PCDHA3: variants seen among roughly 807,000 people sequenced by gnomAD.
PCDHA3 encodes the protein protocadherin alpha 3.
A neutral mutation model predicts 62.2 loss-of-function variants in PCDHA3; 41 were observed. The observed-to-expected ratio is 0.66, with a 90% confidence interval of 0.51 to 0.86. The LOEUF (loss-of-function observed/expected upper bound fraction) is 0.86. Among genes scored for constraint, PCDHA3 ranks in the 40% least tolerant of loss-of-function variants. PCDHA3 has a pLI of 0.00. For missense variants in PCDHA3, 1,304 were observed against 1,241.2 expected (o/e 1.05, Z -0.76); for synonymous variants, 640 against 555.4 (o/e 1.15, Z -2.14).
intron 1 of PCDHA3, chr5:140,857,619 A>C (rs1554150364): frequency 6.3e-7 from 1 of 1,596,352 alleles, no homozygotes; most frequent in South Asian, 1.1e-5. Flanking sequence ...CCGCTGGACC[A>C]CGAGGAGCTG....
At chr5:140,858,363 C>G in intron 1 of PCDHA3, 1 of 1,591,358 alleles carries the variant, frequency 6.3e-7, no homozygotes, top group Non-Finnish European at 8.6e-7. Flanking sequence ...GCCTTCAGCC[C>G]CAGCCTTCCA....
Position 140,912,662 on chromosome 5 carries a change from T to C in PCDHA3, c.2395-66287T>C, listed in dbSNP as rs145118694. 1.9e-3 allele frequency among the ~76,000 whole-genome samples: 286 copies of C among 152,264 alleles called. 1 individual carries two copies. The highest frequency in any genetic ancestry group is 6.7e-3 in the African/African-American group (280 of 41,548). Reference sequence around the variant, plus strand: ...CTATGTTGAATAGAAGTGGTGAAAATGGGCATCCTTGACTTATTCCAGGTC... The same window carrying C: ...CTATGTTGAATAGAAGTGGTGAAAACGGGCATCCTTGACTTATTCCAGGTC... On this transcript the variant is annotated intron_variant, in intron 1 of 3. Coordinates refer to ENST00000522353, the MANE Select transcript of PCDHA3 (RefSeq NM_018906.3).
rs138197407 is a variant in PCDHA3, at chr5:140,857,304, C to T, written c.2394+53713C>T. On this transcript the variant is annotated intron_variant, in intron 1 of 3. Coordinates refer to ENST00000522353, the MANE Select transcript of PCDHA3 (RefSeq NM_018906.3). The stretch of plus-strand genomic sequence containing the variant: ...GCTCTGGACCGCGAGAGGGTGTCGG[C>T]CTATGAGCTGGTGGTGACCGCGCGG... 1.9e-5 allele frequency: 30 copies of T among 1,598,646 alleles called. No homozygotes were observed. In the African/African-American group the frequency reaches 3.6e-4, roughly 19 times the overall value.
Position 140,870,844 on chromosome 5 carries a change from C to T in PCDHA3, c.2394+67253C>T. The T allele has an allele frequency of 3.1e-6, 5 of 1,613,832 alleles. No homozygotes were observed. The highest frequency in any genetic ancestry group is 4.2e-6 in the Non-Finnish European group (5 of 1,179,882). ...GGGAGGCGCAGTTAACAAGCTAGTA[C>T]CGCGGTCGGTGGGTGCGGGCCACGT... On this transcript the variant is annotated intron_variant, in intron 1 of 3. Transcript: ENST00000522353.
intron 1 of PCDHA3, chr5:140,871,263 G>C: frequency 6.2e-7 from 1 of 1,614,010 alleles, no homozygotes; most frequent in Non-Finnish European, 8.5e-7. Context: ...ATACGGCGCT[G>C]TGGTGGTCGG....
intron 1 of PCDHA3, chr5:140,859,405 G>C (rs1222698496): frequency 4.0e-6 from 1 of 250,884 alleles, no homozygotes; most frequent in African/African-American, 2.3e-5. Context: ...ACAGGGTTGG[G>C]TTAGATGATA....
chr5:140,875,738 G>A (rs1197047985), intron 1 of PCDHA3: 2 of 1,614,204 alleles, frequency 1.2e-6, no homozygotes, highest in Non-Finnish European at 1.7e-6. Context: ...GTGAATTCTC[G>A]GATCGACCGC....
At chr5:140,810,574 T>C (rs1764686543) in intron 1 of PCDHA3, 1 of 152,248 alleles carries the variant, frequency 6.6e-6, no homozygotes, top group African/African-American at 2.4e-5. Context: ...TAAATGAAGT[T>C]GAGTACCTTT....
At chr5:140,968,921 T>C (rs111394602) in intron 1 of PCDHA3, 34 of 1,614,098 alleles carry the variant, frequency 2.1e-5, no homozygotes, top group Non-Finnish European at 2.6e-5. Context: ...GTCTTTTATA[T>C]TTCTTTTGAC....
chr5:140,819,030 T>C (rs1554127593), intron 1 of PCDHA3, among the ~76,000 whole-genome samples: 1 of 152,240 alleles, frequency 6.6e-6, no homozygotes, highest in Admixed American at 6.5e-5. Flanking sequence ...TTTTAGCACA[T>C]TCCCTTATAG....
At position 140,808,087 on chromosome 5, in the gene PCDHA3, A is replaced by G. The variant is rs782664292; in HGVS notation, c.2394+4496A>G. ...AGTTTCACATAGATCCAATTACTGG[A>G]CAAATTATTGTAAAGGGATATATTG... On this transcript the variant is annotated intron_variant, in intron 1 of 3. Transcript: ENST00000522353. The G allele has an allele frequency of 5.6e-6, 9 of 1,613,970 alleles. No individual in the cohort carries two copies. The South Asian group carries it at 9.9e-5, about 18-fold the overall frequency.
Position 140,857,776 on chromosome 5 carries a change from CAGTG to C in PCDHA3, c.2394+54188_2394+54191del, listed in dbSNP as rs1342226765. ...CCGCTGGCAGCGCGGGCGGTGCAGTCAGTGAGCTGGTGCTGCGGTCGGTGGTTGC... is the reference window on the plus strand; with the variant it reads ...CCGCTGGCAGCGCGGGCGGTGCAGTCAGCTGGTGCTGCGGTCGGTGGTTGC... On this transcript the variant is annotated intron_variant, in intron 1 of 3. Coordinates refer to ENST00000522353, the MANE Select transcript of PCDHA3 (RefSeq NM_018906.3). 21 of 1,597,526 alleles carry C rather than the reference CAGTG, an allele frequency of 1.3e-5. No homozygotes were observed. In the Admixed American group the frequency reaches 3.4e-4, roughly 26 times the overall value.
rs1581662302 is a variant in PCDHA3, at chr5:140,803,528, T to C, written c.2331T>C (p.Pro777=). The C allele has an allele frequency of 1.2e-6, 2 of 1,614,204 alleles. No individual in the cohort carries two copies. The highest frequency in any genetic ancestry group is 2.2e-5 in the East Asian group (1 of 44,880). ...TCATGGCTTTTAGCCCTAGCCTTCCTCCTTGTCCAATTAGCCGGGATAGAG... is the reference window on the plus strand; with the variant it reads ...TCATGGCTTTTAGCCCTAGCCTTCCCCCTTGTCCAATTAGCCGGGATAGAG... The part of the protein sequence containing the change: ...TDLMAFSPSL[P]PCPISRDREE... The change falls in exon 1 of 4, where the codon CCT becomes CCC. Residue 777 remains proline (P), a synonymous_variant. Transcript: ENST00000522353.
intron 1 of PCDHA3, among the ~76,000 whole-genome samples, chr5:140,974,660 C>T (rs529524485): frequency 2.6e-5 from 4 of 152,116 alleles, no homozygotes; most frequent in South Asian, 2.1e-4. Flanking sequence ...TACAGGCATG[C>T]GCCACCATGC....
chr5:140,948,528 T>C (rs1234543318), intron 1 of PCDHA3, among the ~76,000 whole-genome samples: 1 of 151,686 alleles, frequency 6.6e-6, no homozygotes, highest in Non-Finnish European at 1.5e-5. Context: ...ACTATTTATA[T>C]TTTATTTCAT....
At chr5:140,912,125 T>C (rs1197015933) in intron 1 of PCDHA3, among the ~76,000 whole-genome samples, 1 of 152,160 alleles carries the variant, frequency 6.6e-6, no homozygotes, top group East Asian at 1.9e-4. Flanking sequence ...GCTAAGTCAG[T>C]CTAATCTCTC....
chr5:141,009,929 G>T lies in PCDHA3; in HGVS notation c.2845G>T (p.Asp949Tyr). Residue 949 changes from aspartate to tyrosine, a missense_variant, in exon 4 of 4, where the codon GAC becomes TAC. Transcript: ENST00000522353. Reference protein sequence around the residue: ...EKGNSTTDNSDQ With the variant: ...EKGNSTTDNSYQ ...AGGGAACAGCACGACTGACAACAGT[G>T]ACCAGTGAGGTCCTCAAATGGAAAC... 1 of 1,603,730 alleles carries T rather than the reference G, an allele frequency of 6.2e-7. No homozygotes were observed. The highest frequency in any genetic ancestry group is 1.1e-5 in the South Asian group (1 of 89,000).
chr5:140,805,234 C>G (rs558765817), intron 1 of PCDHA3: 2 of 1,368,814 alleles, frequency 1.5e-6, no homozygotes, highest in Non-Finnish European at 1.9e-6. Context: ...CTGCTGCATT[C>G]CCCATCTGTA....
intron 1 of PCDHA3, chr5:140,824,609 A>AAT (rs1554129932): frequency 1.3e-5 from 1 of 76,914 alleles, no homozygotes; most frequent in Non-Finnish European, 2.4e-5. Context: ...TGCTAATTAA[A>AAT]GTTTTTTTTT....
Sources: allele counts gnomAD v4.1 joint callset (sites outside exome capture counted in the v4.1 genomes callset), GRCh38; gene constraint gnomAD v4.1.1; transcripts MANE v1.5; gene names NCBI Gene and HGNC (gene_info 2026-07-23, HGNC 2026-07-21).